The following ADD1 variants were observed in gnomAD, a reference collection of about 807,000 sequenced individuals.
The protein encoded by ADD1 is alpha-adducin.
ADD1 carries 24 observed loss-of-function variants against 80.5 expected under a neutral mutation model. The observed-to-expected ratio is 0.30, with a 90% CI of 0.22 to 0.42. The LOEUF is 0.42. Among genes scored for constraint, ADD1 ranks in the 10% least tolerant of loss-of-function variants. The pLI is 1.00. For missense variants in ADD1, 948 were observed against 1,019.0 expected (o/e 0.93, Z 0.95); for synonymous variants, 373 against 393.8 (o/e 0.95, Z 0.63).
At chr4:2,878,226 A>G (rs375337690) in intron 2 of ADD1, among the ~76,000 whole-genome samples, 53 of 152,354 alleles carry the variant, frequency 3.5e-4, no homozygotes, top group African/African-American at 1.2e-3. Context: ...GGTATTTTAA[A>G]GAAAATTATT....
At chr4:2,877,922 G>T (rs143305918) in intron 2 of ADD1, among the ~76,000 whole-genome samples, 31 of 152,298 alleles carry the variant, frequency 2.0e-4, no homozygotes, top group African/African-American at 6.5e-4. Flanking sequence ...AGTTGTGATC[G>T]TGCCAGTGCA....
intron 1 of ADD1, among the ~76,000 whole-genome samples, chr4:2,856,215 A>G (rs1478110154): frequency 3.3e-5 from 5 of 152,114 alleles, no homozygotes; most frequent in Admixed American, 2.6e-4. Flanking sequence ...TTGAAAGATA[A>G]TTTTGCTTGA....
At chr4:2,911,961 G>A (rs1324001097) in intron 13 of ADD1, among the ~76,000 whole-genome samples, 1 of 152,168 alleles carries the variant, frequency 6.6e-6, no homozygotes, top group Non-Finnish European at 1.5e-5. Context: ...CTCACCCCTT[G>A]GACTCTCTCA....
At chr4:2,885,169 T>C (rs1471146203) in intron 4 of ADD1, among the ~76,000 whole-genome samples, 1 of 152,218 alleles carries the variant, frequency 6.6e-6, no homozygotes, top group Non-Finnish European at 1.5e-5. Context: ...CAGTCACTTC[T>C]TCATCCCAAT....
At position 2,914,933 on chromosome 4, in the gene ADD1, C is replaced by G. The variant is rs1404232098; in HGVS notation, c.1841C>G (p.Pro614Arg). The change falls in exon 14 of 16, where the codon CCC becomes CGC. Residue 614 changes from proline (P) to arginine (R), a missense_variant. Physicochemically the swap from Pro to Arg is moderately radical, Grantham distance 103. Transcript: ENST00000683351. ...GCCATCATTGAAAAGGAGTACCAGC[C>G]CCACGTCATTGTGAGCACCACGGGC... ...SKAIIEKEYQ[P>R]HVIVSTTGPN... 3 of 1,613,910 alleles carry G rather than the reference C, an allele frequency of 1.9e-6. No homozygotes were observed. The Admixed American group carries it at 5.0e-5, about 27-fold the overall frequency.
chr4:2,927,186 C>T (rs1413781529), intron 15 of ADD1, among the ~76,000 whole-genome samples: 3 of 152,244 alleles, frequency 2.0e-5, no homozygotes, highest in Non-Finnish European at 4.4e-5. Flanking sequence ...CAGCCTCCGT[C>T]CTAGCATCAG....
In ADD1 at chr4:2,926,076, C is replaced by T. The variant is rs537595057; in HGVS notation, c.2011C>T (p.His671Tyr). The change falls in exon 15 of 16, where the codon CAC (histidine) becomes TAC (tyrosine). Residue 671 changes from histidine to tyrosine, a missense_variant. Coordinates refer to ENST00000683351, the MANE Select transcript of ADD1 (RefSeq NM_001354761.2). The surrounding 1 kb of genome is among the most constrained non-coding windows in gnomAD (Gnocchi z 5.0). ...KSPPDQPAVP[H>Y]PPPSTPIKLE... Reference sequence around the variant, plus strand: ...TCCTCCAGACCAGCCTGCGGTCCCCCACCCGCCTCCCAGCACTCCCATCAA... The same window carrying T: ...TCCTCCAGACCAGCCTGCGGTCCCCTACCCGCCTCCCAGCACTCCCATCAA... 1.4e-5 allele frequency: 23 copies of T among 1,614,180 alleles called. No homozygotes were observed. Among genetic ancestry groups the T allele is most frequent in the East Asian group, 2.2e-5 (1 of 44,868 alleles).
intron 1 of ADD1, among the ~76,000 whole-genome samples, chr4:2,844,995 G>A (rs1187602199): frequency 6.6e-6 from 1 of 152,178 alleles, no homozygotes; most frequent in East Asian, 1.9e-4. Flanking sequence ...AGAGAGAGGA[G>A]GGCATTTCAG....
intron 1 of ADD1, among the ~76,000 whole-genome samples, chr4:2,858,373 T>G (rs1477207831): frequency 2.6e-5 from 4 of 152,196 alleles, no homozygotes; most frequent in African/African-American, 9.7e-5. Context: ...ATAATGATTC[T>G]CATTTTACAG....
chr4:2,899,214 A>G (rs369222766), intron 8 of ADD1, 45 bp from the exon 9 acceptor site: 155 of 1,555,060 alleles, frequency 1.0e-4, no homozygotes, highest in Non-Finnish European at 5.5e-5. Flanking sequence ...GACCCTCTTG[A>G]TCTCAGTAAG....
chr4:2,893,899 G>A (rs1030602128), intron 4 of ADD1, 114 bp from the exon 5 acceptor site: 54 of 904,772 alleles, frequency 6.0e-5, no homozygotes, highest in African/African-American at 2.3e-4. Context: ...GTGCATGGAC[G>A]CTTCCCTGCA....
chr4:2,852,189 T>TCCTTTCTTTC (rs371676635), intron 1 of ADD1, among the ~76,000 whole-genome samples: 51 of 50,772 alleles, frequency 1.0e-3, no homozygotes, highest in African/African-American at 2.1e-3. Context: ...TTTCTTTCTT[T>TCCTTTCTTTC]CTTTCTTTCC....
Position 2,926,542 on chromosome 4 carries a change from C to T in ADD1, c.2047+430C>T. ...CGTACATCCATGTCTCTCGTGAAGC[C>T]CGTGGCCCTGCCTTTCTTCTTCTGT... On this transcript the variant is annotated intron_variant, in intron 15 of 15. Transcript: ENST00000683351. This position sits in a 1 kb window ranked among gnomAD's most constrained non-coding sequence, Gnocchi z 5.0. 7.7e-7 allele frequency: 1 copy of T among 1,302,618 alleles called. No individual in the cohort carries two copies. The highest frequency in any genetic ancestry group is 1.1e-6 in the Non-Finnish European group (1 of 916,520). The allele number at this position is 1,302,618 out of a possible 1,614,324, so 80.7% of individuals were successfully genotyped here. A position where few individuals can be genotyped will look rare whatever the true frequency, so the allele number is the denominator to read the frequency against.
chr4:2,917,857 C>G (rs1437190890), intron 14 of ADD1, among the ~76,000 whole-genome samples: 1 of 152,112 alleles, frequency 6.6e-6, no homozygotes, highest in Non-Finnish European at 1.5e-5. Flanking sequence ...ATTTCTGAGG[C>G]CTCTGTTCTG....
At chr4:2,895,546 C>T (rs991642118) in intron 6 of ADD1, among the ~76,000 whole-genome samples, 1 of 152,056 alleles carries the variant, frequency 6.6e-6, no homozygotes. Flanking sequence ...GTCCAGCTCC[C>T]CGCAGCCAAC....
chr4:2,924,568 G>A (rs1191779338), intron 14 of ADD1, among the ~76,000 whole-genome samples: 1 of 152,174 alleles, frequency 6.6e-6, no homozygotes, highest in Admixed American at 6.5e-5. Flanking sequence ...TGCTCTCCTG[G>A]GCCGTCGTCA....
intron 3 of ADD1, among the ~76,000 whole-genome samples, chr4:2,883,963 G>A (rs1732828217): frequency 6.6e-6 from 1 of 152,144 alleles, no homozygotes; most frequent in Admixed American, 6.5e-5. Context: ...GAGCCACCGC[G>A]CCCAGCCCAT....
At chr4:2,916,196 TA>T (rs1739018405) in intron 14 of ADD1, among the ~76,000 whole-genome samples, 2 of 148,178 alleles carry the variant, frequency 1.3e-5, no homozygotes, top group African/African-American at 2.5e-5. Context: ...TTATTATTAT[TA>T]TTATTATTAT....
chr4:2,898,395 C>T (rs1427008830), intron 7 of ADD1, 38 bp from the exon 8 acceptor site: 3 of 1,613,902 alleles, frequency 1.9e-6, no homozygotes, highest in East Asian at 4.5e-5. Flanking sequence ...GACCAGTCTT[C>T]CTGCCCAGCT....
Sources: allele counts gnomAD v4.1 joint callset (sites outside exome capture counted in the v4.1 genomes callset), GRCh38; gene constraint gnomAD v4.1.1; non-coding constraint Gnocchi (gnomAD v3.1); transcripts MANE v1.5; gene names NCBI Gene and HGNC (gene_info 2026-07-23, HGNC 2026-07-21).